Variants in SMAD1 observed in about 807,000 individuals in gnomAD.
The protein encoded by SMAD1 is MAD, mothers against decapentaplegic homolog 1.
Under a neutral mutation model 41.6 loss-of-function variants are expected in SMAD1, and 6 were observed. The observed-to-expected ratio is 0.14, with a 90% CI of 0.08 to 0.28. SMAD1 has a LOEUF of 0.28. Among genes scored for constraint, SMAD1 ranks in the 10% least tolerant of loss-of-function variants. The probability of loss-of-function intolerance (pLI) is 1.00; values close to 1 mark genes in which losing one functional copy is unlikely to be tolerated. For synonymous variants in SMAD1, 206 were observed against 203.2 expected (o/e 1.01, Z -0.12); for missense variants, 379 against 582.6 (o/e 0.65, Z 3.60).
At chr4:145,534,724 T>TC (rs1278416562) in intron 2 of SMAD1, among the ~76,000 whole-genome samples, 2 of 152,192 alleles carry the variant, frequency 1.3e-5, no homozygotes, top group African/African-American at 2.4e-5. Context: ...AAAGATAAAA[T>TC]TAGATCCATT....
intron 2 of SMAD1, among the ~76,000 whole-genome samples, chr4:145,536,154 T>TA (rs1731601231): frequency 6.6e-6 from 1 of 152,026 alleles, no homozygotes; most frequent in Non-Finnish European, 1.5e-5. Flanking sequence ...AGATAGGAAA[T>TA]AGAGAAAGGC....
chr4:145,509,629 C>CTCCCTCTA (rs1198770132), intron 1 of SMAD1, among the ~76,000 whole-genome samples: 1 of 152,106 alleles, frequency 6.6e-6, no homozygotes, highest in Non-Finnish European at 1.5e-5. Context: ...AAGAAATACA[C>CTCCCTCTA]TCCCTCTATA....
chr4:145,542,822 T>A, intron 4 of SMAD1, 124 bp downstream of exon 4: 1 of 607,362 alleles, frequency 1.6e-6, no homozygotes, highest in Non-Finnish European at 2.9e-6. Flanking sequence ...AGTCCAATGT[T>A]AAGAGAAGCT....
intron 1 of SMAD1, among the ~76,000 whole-genome samples, chr4:145,499,940 A>T (rs1010363661): frequency 6.6e-6 from 1 of 152,158 alleles, no homozygotes; most frequent in African/African-American, 2.4e-5. Flanking sequence ...GAAGAAAAAA[A>T]TCTCGCTCAG....
rs1470600473 is a variant in SMAD1 at position 145,506,328 on chromosome 4, G to A, written c.-176-8110G>A. Among the ~76,000 whole-genome samples the A allele has an allele frequency of 1.6e-4, 25 of 152,218 alleles. No individual in the cohort carries two copies. The East Asian group carries it at 4.6e-3, about 28-fold the overall frequency. Reference sequence around the variant, plus strand: ...AATGAACCAAAGAACAAGAAGTAGGGGGAGAAAAGAGTTGCCTGCTTCATT... The same window carrying A: ...AATGAACCAAAGAACAAGAAGTAGGAGGAGAAAAGAGTTGCCTGCTTCATT... On this transcript the variant is annotated intron_variant, in intron 1 of 6. Coordinates refer to ENST00000302085, the MANE Select transcript of SMAD1 (RefSeq NM_005900.3).
intron 2 of SMAD1, among the ~76,000 whole-genome samples, chr4:145,527,466 G>A (rs987037560): frequency 5.9e-5 from 9 of 152,008 alleles, no homozygotes; most frequent in African/African-American, 1.7e-4. Flanking sequence ...CTCGTGATCC[G>A]CCCGCCTCGG....
chr4:145,521,051 G>A (rs1730716547), intron 2 of SMAD1, among the ~76,000 whole-genome samples: 1 of 152,232 alleles, frequency 6.6e-6, no homozygotes, highest in Admixed American at 6.5e-5. Flanking sequence ...CTGCAAATGT[G>A]TGAATACTTA....
At chr4:145,519,671 C>T (rs1331212728) in intron 2 of SMAD1, among the ~76,000 whole-genome samples, 1 of 151,166 alleles carries the variant, frequency 6.6e-6, no homozygotes, top group African/African-American at 2.4e-5. Context: ...AAAAAACCCA[C>T]TTTTTTAGCA....
chr4:145,550,969 A>G (rs1732526744), intron 5 of SMAD1, among the ~76,000 whole-genome samples: 1 of 152,228 alleles, frequency 6.6e-6, no homozygotes, highest in Non-Finnish European at 1.5e-5. Flanking sequence ...AATTTAATTT[A>G]TAATTTAAAA....
chr4:145,527,332 T>C (rs934284101), intron 2 of SMAD1, among the ~76,000 whole-genome samples: 56 of 151,624 alleles, frequency 3.7e-4, no homozygotes, highest in African/African-American at 1.1e-3. Context: ...CACGCCATTC[T>C]CCTGCCTCAG....
intron 3 of SMAD1, 94 bp from the exon 4 acceptor site, chr4:145,542,488 G>C: frequency 3.0e-6 from 2 of 664,632 alleles, no homozygotes; most frequent in South Asian, 5.1e-5. Context: ...ATGACAACTT[G>C]ATCTCTTGAG....
At chr4:145,521,387 T>A (rs1353212916) in intron 2 of SMAD1, among the ~76,000 whole-genome samples, 2 of 152,190 alleles carry the variant, frequency 1.3e-5, no homozygotes, top group African/African-American at 4.8e-5. Flanking sequence ...TTGAACTTAA[T>A]CAGCTTGAAA....
chr4:145,556,867 G>A (rs1007431853), intron 6 of SMAD1, among the ~76,000 whole-genome samples: 6 of 152,012 alleles, frequency 3.9e-5, no homozygotes, highest in African/African-American at 7.2e-5. Flanking sequence ...TAGTAGAGAC[G>A]GGGTTTCACC....
At chr4:145,548,566 A>G (rs184411752) in intron 5 of SMAD1, among the ~76,000 whole-genome samples, 47 of 152,312 alleles carry the variant, frequency 3.1e-4, no homozygotes, top group Middle Eastern at 6.8e-3. Flanking sequence ...TTGAAAAACA[A>G]TACAAATTTA....
At chr4:145,520,291 A>G (rs931073791) in intron 2 of SMAD1, among the ~76,000 whole-genome samples, 1 of 152,224 alleles carries the variant, frequency 6.6e-6, no homozygotes, top group Non-Finnish European at 1.5e-5. Flanking sequence ...ATTATTTACA[A>G]TAGCCAAGGT....
chr4:145,486,391 C>T (rs745739470), intron 1 of SMAD1, among the ~76,000 whole-genome samples: 32 of 152,142 alleles, frequency 2.1e-4, no homozygotes, highest in African/African-American at 6.3e-4. Flanking sequence ...GTTTGTCTGT[C>T]TTACCAAAAT....
chr4:145,500,083 A>G (rs905238822), intron 1 of SMAD1, among the ~76,000 whole-genome samples: 21 of 152,218 alleles, frequency 1.4e-4, no homozygotes, highest in Non-Finnish European at 2.5e-4. Context: ...GAATATATCC[A>G]GAATCTGACG....
In SMAD1 at chr4:145,514,119, C is replaced by T. The variant is rs1391584573; in HGVS notation, c.-176-319C>T. On this transcript the variant is annotated intron_variant, in intron 1 of 6. Coordinates refer to ENST00000302085, the MANE Select transcript of SMAD1 (RefSeq NM_005900.3). The surrounding 1 kb of genome is among the most constrained non-coding windows in gnomAD (Gnocchi z 4.7). ...CTCTTCCTGGCTTGCAGATGATCACCTTCTTGCAGTACCCTCAGTGTGTGT... is the reference window on the plus strand; with the variant it reads ...CTCTTCCTGGCTTGCAGATGATCACTTTCTTGCAGTACCCTCAGTGTGTGT... Among the ~76,000 whole-genome samples the T allele has an allele frequency of 6.6e-6, 1 of 152,142 alleles. No individual in the cohort carries two copies. Among genetic ancestry groups the T allele is most frequent in the African/African-American group, 2.4e-5 (1 of 41,428 alleles).
At chr4:145,515,282 A>G (rs970836899) in intron 2 of SMAD1, among the ~76,000 whole-genome samples, 9 of 152,036 alleles carry the variant, frequency 5.9e-5, no homozygotes, top group Non-Finnish European at 1.2e-4. Context: ...GACAATTGTC[A>G]TTGCAGTACT....
Sources: allele counts gnomAD v4.1 joint callset (sites outside exome capture counted in the v4.1 genomes callset), GRCh38; gene constraint gnomAD v4.1.1; non-coding constraint Gnocchi (gnomAD v3.1); transcripts MANE v1.5; gene names NCBI Gene and HGNC (gene_info 2026-07-23, HGNC 2026-07-21).